Variants in FAM135B observed in about 807,000 individuals in gnomAD.
FAM135B encodes protein FAM135B.
A neutral mutation model predicts 127.7 loss-of-function variants in FAM135B; 43 were observed. The ratio of observed to expected loss-of-function variants is 0.34; its 90% CI spans 0.26 to 0.43. The LOEUF is 0.43. Among genes scored for constraint, FAM135B ranks in the 20% least tolerant of loss-of-function variants. The pLI, the probability that FAM135B is intolerant of heterozygous loss-of-function variation, is 1.00. For missense variants in FAM135B, 1,558 were observed against 1,725.6 expected (o/e 0.90, Z 1.72); for synonymous variants, 670 against 665.1 (o/e 1.01, Z -0.11).
At chr8:138,165,042 A>G (rs1819772641) in intron 12 of FAM135B, among the ~76,000 whole-genome samples, 1 of 152,142 alleles carries the variant, frequency 6.6e-6, no homozygotes, top group African/African-American at 2.4e-5. Flanking sequence ...GAAGCCCCAG[A>G]AAGACTGAGG....
intron 1 of FAM135B, among the ~76,000 whole-genome samples, chr8:138,420,663 T>C (rs978774806): frequency 7.9e-5 from 12 of 152,046 alleles, no homozygotes; most frequent in African/African-American, 2.7e-4. Context: ...AGGCTTTTTT[T>C]CCTAGGATGA....
intron 4 of FAM135B, among the ~76,000 whole-genome samples, chr8:138,258,803 C>CACACACACA (rs112481181): frequency 2.0e-5 from 3 of 146,524 alleles, no homozygotes; most frequent in Admixed American, 1.4e-4. Flanking sequence ...GACACACACA[C>CACACACACA]CACACACACA....
At chr8:138,335,174 C>T (rs986188691) in intron 2 of FAM135B, among the ~76,000 whole-genome samples, 2 of 152,124 alleles carry the variant, frequency 1.3e-5, no homozygotes, top group Non-Finnish European at 2.9e-5. Flanking sequence ...ACATGACCTA[C>T]AGGGCAGGAT....
chr8:138,265,863 G>A (rs925775624), intron 3 of FAM135B, 21 bp from the exon 4 acceptor site: 3 of 1,610,958 alleles, frequency 1.9e-6, no homozygotes, highest in African/African-American at 1.3e-5. Flanking sequence ...AGAATCAGTA[G>A]GAACCCATGA....
chr8:138,231,760 T>C (rs1223447569), intron 7 of FAM135B, among the ~76,000 whole-genome samples: 1 of 152,140 alleles, frequency 6.6e-6, no homozygotes, highest in Non-Finnish European at 1.5e-5. Flanking sequence ...ATAATGTGAG[T>C]ATATTCAGGA....
chr8:138,306,441 A>AAAAG (rs1450295276), intron 3 of FAM135B, among the ~76,000 whole-genome samples: 8 of 147,010 alleles, frequency 5.4e-5, no homozygotes, highest in Admixed American at 2.5e-4. Context: ...TCTCGAAAAA[A>AAAAG]AAAGAAAAAA....
intron 7 of FAM135B, among the ~76,000 whole-genome samples, chr8:138,206,458 A>AATCCAGCATACC (rs1817628241): frequency 7.3e-6 from 1 of 137,244 alleles, no homozygotes; most frequent in Admixed American, 7.3e-5. Flanking sequence ...TCTACACACA[A>AATCCAGCATACC]CTCCAGCATC....
At chr8:138,255,392 C>T (rs1369812198) in intron 5 of FAM135B, among the ~76,000 whole-genome samples, 3 of 152,234 alleles carry the variant, frequency 2.0e-5, no homozygotes, top group African/African-American at 7.2e-5. Context: ...AAGGAGATTT[C>T]CTCCCTTTGC....
intron 2 of FAM135B, among the ~76,000 whole-genome samples, chr8:138,336,485 G>A (rs968613876): frequency 1.3e-5 from 2 of 152,176 alleles, no homozygotes; most frequent in East Asian, 1.9e-4. Flanking sequence ...ACACCTCTAC[G>A]CAAATAAACT....
intron 2 of FAM135B, among the ~76,000 whole-genome samples, chr8:138,357,857 A>T (rs1176563956): frequency 6.6e-6 from 1 of 150,754 alleles, no homozygotes; most frequent in Admixed American, 6.6e-5. Context: ...TAGATCTCAG[A>T]TGTAAAGTAA....
intron 7 of FAM135B, among the ~76,000 whole-genome samples, chr8:138,233,959 G>T (rs1374619382): frequency 6.6e-6 from 1 of 152,104 alleles, no homozygotes; most frequent in African/African-American, 2.4e-5. Flanking sequence ...TATTAAGGAA[G>T]TGCAAATAAA....
chr8:138,402,284 T>C (rs1833198263), intron 1 of FAM135B, among the ~76,000 whole-genome samples: 1 of 151,960 alleles, frequency 6.6e-6, no homozygotes, highest in Admixed American at 6.6e-5. Context: ...GCCTATGAAG[T>C]CAGGGCACTT....
At chr8:138,279,372 A>C (rs1824086378) in intron 3 of FAM135B, among the ~76,000 whole-genome samples, 1 of 152,216 alleles carries the variant, frequency 6.6e-6, no homozygotes, top group Admixed American at 6.5e-5. Context: ...TGCTTGACAT[A>C]AGAGGCACAT....
At chr8:138,224,190 A>T (rs531283567) in intron 7 of FAM135B, among the ~76,000 whole-genome samples, 2 of 152,322 alleles carry the variant, frequency 1.3e-5, no homozygotes, top group East Asian at 3.9e-4. Context: ...TAAAAGTTGA[A>T]AAAGATAAAA....
chr8:138,372,936 T>A (rs1263860965), intron 1 of FAM135B, among the ~76,000 whole-genome samples: 1 of 152,160 alleles, frequency 6.6e-6, no homozygotes, highest in Non-Finnish European at 1.5e-5. Flanking sequence ...AGACAAAGGA[T>A]GAGGTCCCAC....
At chr8:138,201,055 T>C (rs1255552988) in intron 7 of FAM135B, among the ~76,000 whole-genome samples, 1 of 152,236 alleles carries the variant, frequency 6.6e-6, no homozygotes, top group Non-Finnish European at 1.5e-5. Flanking sequence ...TTGCTTTGAC[T>C]GAGGCATTCA....
chr8:138,484,271 C>T (rs902683172), intron 1 of FAM135B, among the ~76,000 whole-genome samples: 2 of 152,146 alleles, frequency 1.3e-5, no homozygotes, highest in African/African-American at 4.8e-5. Flanking sequence ...GTTCACACAG[C>T]TGGGTGGCTA....
intron 1 of FAM135B, among the ~76,000 whole-genome samples, chr8:138,429,799 C>G (rs1196886531): frequency 6.6e-6 from 1 of 152,104 alleles, no homozygotes; most frequent in Admixed American, 6.5e-5. Flanking sequence ...CTCTTAGGTA[C>G]TTTAAAAATT....
intron 2 of FAM135B, among the ~76,000 whole-genome samples, chr8:138,345,863 C>T (rs916413062): frequency 2.6e-5 from 4 of 152,204 alleles, no homozygotes; most frequent in Admixed American, 6.5e-5. Context: ...GTGGACAGGA[C>T]TTGCCTGTGT....
Sources: allele counts gnomAD v4.1 joint callset (sites outside exome capture counted in the v4.1 genomes callset), GRCh38; gene constraint gnomAD v4.1.1; transcripts MANE v1.5; gene names NCBI Gene and HGNC (gene_info 2026-07-23, HGNC 2026-07-21).